The following SAMD12 variants were observed in gnomAD, a reference collection of about 807,000 sequenced individuals.
SAMD12 encodes the protein sterile alpha motif domain containing 12, also known as sterile alpha motif domain-containing protein 12.
In SAMD12, 9 loss-of-function variants were observed where a neutral mutation model predicts 15.0. The observed-to-expected ratio is 0.60, with a 90% CI of 0.36 to 1.05. The LOEUF is 1.05. Ranked by LOEUF, SAMD12 falls within the 50% of genes least tolerant of loss-of-function variation. The pLI is 0.01. For missense variants in SAMD12, 230 were observed against 234.2 expected (o/e 0.98, Z 0.12); for synonymous variants, 86 against 90.1 (o/e 0.96, Z 0.25).
At chr8:118,382,333 G>T (rs1402565166) in intron 3 of SAMD12, among the ~76,000 whole-genome samples, 1 of 152,166 alleles carries the variant, frequency 6.6e-6, no homozygotes, top group Non-Finnish European at 1.5e-5. Flanking sequence ...TCTTAAGCTG[G>T]CTGGGCCATC....
chr8:118,507,514 G>A (rs911109078), intron 2 of SAMD12, among the ~76,000 whole-genome samples: 1 of 152,044 alleles, frequency 6.6e-6, no homozygotes, highest in Admixed American at 6.5e-5. Context: ...AAAAACCCCT[G>A]AGGCTCAGAA....
chr8:118,602,028 C>T (rs919068341), intron 1 of SAMD12, among the ~76,000 whole-genome samples: 5 of 152,204 alleles, frequency 3.3e-5, no homozygotes, highest in Non-Finnish European at 5.9e-5. Context: ...TACCCCCAGA[C>T]TTCTTAAGCA....
intron 4 of SAMD12, among the ~76,000 whole-genome samples, chr8:118,351,153 T>G (rs1177049123): frequency 6.6e-6 from 1 of 152,204 alleles, no homozygotes; most frequent in Non-Finnish European, 1.5e-5. Flanking sequence ...GATGCTTACT[T>G]TGGCAAATTT....
intron 2 of SAMD12, among the ~76,000 whole-genome samples, chr8:118,513,088 T>G (rs1239227627): frequency 6.6e-6 from 1 of 152,190 alleles, no homozygotes; most frequent in East Asian, 1.9e-4. Context: ...AGGGATCATC[T>G]TTATTTTTCT....
intron 2 of SAMD12, among the ~76,000 whole-genome samples, chr8:118,550,907 C>A (rs1449875476): frequency 6.7e-6 from 1 of 149,276 alleles, no homozygotes; most frequent in African/African-American, 2.5e-5. Context: ...GACTTTAAAC[C>A]AACAAAGATC....
intron 2 of SAMD12, among the ~76,000 whole-genome samples, chr8:118,476,668 C>A (rs1343387866): frequency 2.0e-5 from 3 of 152,144 alleles, no homozygotes; most frequent in Non-Finnish European, 2.9e-5. Flanking sequence ...TGTATTGCTA[C>A]CATCTCAATT....
the SAMD12 span, among the ~76,000 whole-genome samples, chr8:118,154,144 G>GCGCACACA: frequency 2.0e-5 from 3 of 149,824 alleles, no homozygotes; most frequent in South Asian, 4.2e-4. Flanking sequence ...ACACACAAGT[G>GCGCACACA]CACACACACA....
intron 3 of SAMD12, among the ~76,000 whole-genome samples, chr8:118,425,197 C>T (rs1193194872): frequency 6.6e-6 from 1 of 152,098 alleles, no homozygotes; most frequent in Non-Finnish European, 1.5e-5. Flanking sequence ...CTTGGCCTCC[C>T]AAAGTGCTGG....
At chr8:118,421,403 C>A (rs936437189) in intron 3 of SAMD12, among the ~76,000 whole-genome samples, 1 of 152,090 alleles carries the variant, frequency 6.6e-6, no homozygotes, top group Non-Finnish European at 1.5e-5. Flanking sequence ...CATACTTTAG[C>A]CATTTACTAT....
intron 3 of SAMD12, among the ~76,000 whole-genome samples, chr8:118,424,429 T>C (rs140228301): frequency 7.9e-5 from 12 of 152,262 alleles, no homozygotes; most frequent in African/African-American, 2.6e-4. Context: ...AGGTTAAACA[T>C]ACTTGGCGAA....
chr8:118,461,220 C>T (rs1823411759), intron 2 of SAMD12, among the ~76,000 whole-genome samples: 1 of 152,200 alleles, frequency 6.6e-6, no homozygotes, highest in Non-Finnish European at 1.5e-5. Flanking sequence ...TTTGTGGGTA[C>T]ACACAGTTCT....
intron 4 of SAMD12, among the ~76,000 whole-genome samples, chr8:118,236,943 T>C (rs989269205): frequency 8.5e-5 from 13 of 152,230 alleles, no homozygotes; most frequent in African/African-American, 3.1e-4. Context: ...GGGACATAGT[T>C]TGTGCTTTGG....
intron 4 of SAMD12, among the ~76,000 whole-genome samples, chr8:118,253,991 AT>A (rs1161272543): frequency 6.6e-6 from 1 of 152,112 alleles, no homozygotes; most frequent in Non-Finnish European, 1.5e-5. Context: ...ATCCAAGAAA[AT>A]TGTCTCAAAC....
intron 2 of SAMD12, among the ~76,000 whole-genome samples, chr8:118,561,133 C>G (rs1191744179): frequency 6.6e-6 from 1 of 152,092 alleles, no homozygotes; most frequent in African/African-American, 2.4e-5. Flanking sequence ...ACCCTCTCCC[C>G]AGGGTGCAAA....
chr8:118,500,289 G>A (rs1347605453), intron 2 of SAMD12, among the ~76,000 whole-genome samples: 1 of 151,256 alleles, frequency 6.6e-6, no homozygotes, highest in African/African-American at 2.4e-5. Context: ...TGTTGGTCAG[G>A]CTTGCCTCAA....
chr8:118,278,979 T>G (rs1029177875), intron 4 of SAMD12, among the ~76,000 whole-genome samples: 2 of 152,176 alleles, frequency 1.3e-5, no homozygotes, highest in African/African-American at 4.8e-5. Context: ...AAAAAAGTAT[T>G]AACATGCTTT....
At chr8:118,582,905 T>C (rs77321320) in intron 1 of SAMD12, among the ~76,000 whole-genome samples, 2 of 121,872 alleles carry the variant, frequency 1.6e-5, no homozygotes, top group African/African-American at 6.3e-5. Context: ...AGCACTGTGC[T>C]TTTTTTTTTT....
At chr8:118,371,863 T>C (rs1819113984) in intron 4 of SAMD12, among the ~76,000 whole-genome samples, 1 of 151,998 alleles carries the variant, frequency 6.6e-6, no homozygotes, top group Admixed American at 6.6e-5. Flanking sequence ...GAATCAATAT[T>C]TGGGACGTGG....
At chr8:118,486,180 C>T (rs1172670918) in intron 2 of SAMD12, among the ~76,000 whole-genome samples, 3 of 152,082 alleles carry the variant, frequency 2.0e-5, no homozygotes, top group East Asian at 1.9e-4. Context: ...TTTGGGAGGC[C>T]AAGGCGGGCA....
Sources: gnomAD v4.1 joint callset for allele counts (sites outside exome capture counted in the v4.1 genomes callset) on GRCh38, gnomAD v4.1.1 for gene constraint, MANE v1.5 for transcripts, NCBI Gene and HGNC (gene_info 2026-07-23, HGNC 2026-07-21) for gene names.